The following SLC16A12 variants were observed in gnomAD, a reference collection of about 807,000 sequenced individuals.
SLC16A12 encodes monocarboxylate transporter 12.
In SLC16A12, 17 loss-of-function variants were observed where a neutral mutation model predicts 42.4. That is an observed-to-expected ratio of 0.40 (90% CI 0.27 to 0.60). The LOEUF (loss-of-function observed/expected upper bound fraction) is 0.60, where lower values mean the gene tolerates loss of function less well. Ranked by LOEUF, SLC16A12 falls within the 20% of genes least tolerant of loss-of-function variation. SLC16A12 has a pLI of 0.42. For synonymous variants in SLC16A12, 224 were observed against 229.4 expected (o/e 0.98, Z 0.21); for missense variants, 544 against 623.0 (o/e 0.87, Z 1.35).
chr10:89,494,122 C>T (rs762601003), intron 2 of SLC16A12, among the ~76,000 whole-genome samples: 2 of 152,116 alleles, frequency 1.3e-5, no homozygotes, highest in East Asian at 1.9e-4. Context: ...TTATCTAACA[C>T]GAAAGTGTCA....
intron 2 of SLC16A12, among the ~76,000 whole-genome samples, chr10:89,472,341 AAGAG>A (rs1219066652): frequency 6.6e-6 from 1 of 152,054 alleles, no homozygotes. Flanking sequence ...AGGCCTAAAA[AAGAG>A]AGAAAGAGAG....
At chr10:89,527,310 C>G (rs1399962389) in intron 2 of SLC16A12, among the ~76,000 whole-genome samples, 1 of 151,592 alleles carries the variant, frequency 6.6e-6, no homozygotes, top group African/African-American at 2.4e-5. Flanking sequence ...TGGTGAAACC[C>G]CGTCTCTACT....
At chr10:89,481,662 T>TGAGAGA (rs1490094967) in intron 2 of SLC16A12, among the ~76,000 whole-genome samples, 14 of 136,816 alleles carry the variant, frequency 1.0e-4, no homozygotes, top group Non-Finnish European at 2.2e-4. Flanking sequence ...TGTGTGTGTG[T>TGAGAGA]GTGAGAGAGA....
chr10:89,453,187 A>G (rs1564573416), intron 3 of SLC16A12, among the ~76,000 whole-genome samples: 1 of 152,220 alleles, frequency 6.6e-6, no homozygotes, highest in Non-Finnish European at 1.5e-5. Flanking sequence ...GTCACACCCA[A>G]CGACAGAGAG....
In SLC16A12 at chr10:89,550,680, G is replaced by A. The variant is rs185742311; in HGVS notation, c.-47+5202C>T. Reference sequence around the variant, plus strand: ...CCCCCGCCTTTCTCTACATCATCTCGTGCCACACTCCCATATCTCGCTATA... The same window carrying A: ...CCCCCGCCTTTCTCTACATCATCTCATGCCACACTCCCATATCTCGCTATA... On this transcript the variant is annotated intron_variant, in intron 2 of 2. Transcript: ENST00000475682. 3.9e-3 allele frequency among the ~76,000 whole-genome samples: 567 copies of A among 144,038 alleles called. 4 individuals are homozygous for A. Among genetic ancestry groups the A allele is most frequent in the African/African-American group, 0.014 (523 of 38,258 alleles). The allele number at this position is 144,038 out of a possible 152,430, so 94.5% of individuals were successfully genotyped here.
At chr10:89,487,964 G>GTGTATATATATATATATA (rs1248310697) in intron 2 of SLC16A12, among the ~76,000 whole-genome samples, 5 of 126,706 alleles carry the variant, frequency 3.9e-5, no homozygotes, top group Non-Finnish European at 8.0e-5. Flanking sequence ...TGGTGTGTGT[G>GTGTATATATATATATATA]TATATATATA....
rs7894197 is a variant in SLC16A12 at position 89,493,465 on chromosome 10, C to T, written c.-46-30841G>A. Among the ~76,000 whole-genome samples, 382 of 152,284 alleles carry T rather than the reference C, an allele frequency of 2.5e-3. 1 individual carries two copies. The highest frequency in any genetic ancestry group is 4.6e-3 in the Non-Finnish European group (313 of 68,034). On this transcript the variant is annotated intron_variant, in intron 2 of 7. Transcript: ENST00000371790. ...CTTGAACTCCCAACCTCAGGTAATC[C>T]GCCCACTTTGGCCTCCCAAATGAAT...
At chr10:89,484,494 T>C (rs759198135) in intron 2 of SLC16A12, among the ~76,000 whole-genome samples, 38 of 152,198 alleles carry the variant, frequency 2.5e-4, no homozygotes, top group Non-Finnish European at 8.8e-5. Context: ...AAACAGTACC[T>C]GGCATATCCA....
chr10:89,502,627 T>C (rs1219861092), intron 2 of SLC16A12, among the ~76,000 whole-genome samples: 1 of 152,210 alleles, frequency 6.6e-6, no homozygotes, highest in Non-Finnish European at 1.5e-5. Flanking sequence ...AACTGTGTCA[T>C]GTGCCTTGAG....
chr10:89,498,399 C>A (rs1437959729), intron 2 of SLC16A12, among the ~76,000 whole-genome samples: 1 of 152,076 alleles, frequency 6.6e-6, no homozygotes, highest in Non-Finnish European at 1.5e-5. Context: ...AACAATGATT[C>A]CCTGTTTATG....
At chr10:89,503,707 A>G (rs556883724) in intron 2 of SLC16A12, among the ~76,000 whole-genome samples, 70 of 152,324 alleles carry the variant, frequency 4.6e-4, no homozygotes, top group Middle Eastern at 3.4e-3. Flanking sequence ...AGTCCACAAT[A>G]AGACTGAGAA....
At chr10:89,513,840 G>A (rs558985820) in intron 2 of SLC16A12, among the ~76,000 whole-genome samples, 1 of 152,262 alleles carries the variant, frequency 6.6e-6, no homozygotes, top group Non-Finnish European at 1.5e-5. Flanking sequence ...TTTCTGGAAA[G>A]GTCCTATATT....
At chr10:89,491,060 T>C (rs958257581) in intron 2 of SLC16A12, among the ~76,000 whole-genome samples, 3 of 152,174 alleles carry the variant, frequency 2.0e-5, no homozygotes, top group Non-Finnish European at 2.9e-5. Flanking sequence ...GGCAGCCAAA[T>C]ACATATTTCT....
At chr10:89,547,491 C>G (rs1045475913) in intron 2 of SLC16A12, among the ~76,000 whole-genome samples, 1 of 152,128 alleles carries the variant, frequency 6.6e-6, no homozygotes, top group African/African-American at 2.4e-5. Flanking sequence ...AGGCCCTGTG[C>G]ATAGTACATT....
At chr10:89,543,405 C>A (rs923878708) in intron 2 of SLC16A12, among the ~76,000 whole-genome samples, 2 of 152,242 alleles carry the variant, frequency 1.3e-5, no homozygotes, top group Non-Finnish European at 2.9e-5. Flanking sequence ...TTAGCTCCCC[C>A]TCTTGCTAGC....
In SLC16A12 at chr10:89,501,406, C is replaced by T. The variant is rs556499485; in HGVS notation, c.-47+33095G>A. Among the ~76,000 whole-genome samples the T allele has an allele frequency of 3.9e-5, 6 of 152,250 alleles. No homozygotes were observed. In the East Asian group the frequency reaches 1.2e-3, roughly 29 times the overall value. On this transcript the variant is annotated intron_variant, in intron 2 of 7. Coordinates refer to ENST00000371790, the MANE Select transcript of SLC16A12 (RefSeq NM_213606.4). ...TCACATTATCCAATTTCAAACTATACCATAAGGCCATAGTTACCAAAACAG... is the reference window on the plus strand; with the variant it reads ...TCACATTATCCAATTTCAAACTATATCATAAGGCCATAGTTACCAAAACAG...
intron 2 of SLC16A12, among the ~76,000 whole-genome samples, chr10:89,499,897 T>C (rs576284420): frequency 1.2e-4 from 18 of 152,156 alleles, no homozygotes; most frequent in Non-Finnish European, 2.5e-4. Context: ...TGTTAGACCA[T>C]TACTAAGATT....
chr10:89,510,379 A>G (rs889432567), intron 2 of SLC16A12, among the ~76,000 whole-genome samples: 2 of 152,222 alleles, frequency 1.3e-5, no homozygotes, highest in Admixed American at 1.3e-4. Context: ...ACTGGTACCA[A>G]AACAGGTATA....
At chr10:89,506,564 C>G (rs924420828) in intron 2 of SLC16A12, among the ~76,000 whole-genome samples, 4 of 152,148 alleles carry the variant, frequency 2.6e-5, no homozygotes, top group African/African-American at 9.7e-5. Context: ...AAAACCCCAT[C>G]CATAGGTCAC....
Sources: allele counts gnomAD v4.1 joint callset (sites outside exome capture counted in the v4.1 genomes callset), GRCh38; gene constraint gnomAD v4.1.1; transcripts MANE v1.5; gene names NCBI Gene and HGNC (gene_info 2026-07-23, HGNC 2026-07-21).